The following MACROD2 variants were observed in gnomAD, a reference collection of about 807,000 sequenced individuals.
The protein encoded by MACROD2 is mono-ADP ribosylhydrolase 2, also known as ADP-ribose glycohydrolase MACROD2.
MACROD2 carries 36 observed loss-of-function variants against 70.4 expected under a neutral mutation model. The observed-to-expected ratio is 0.51, with a 90% CI of 0.39 to 0.68. The LOEUF is 0.68. Among genes scored for constraint, MACROD2 ranks in the 30% least tolerant of loss-of-function variants. MACROD2 has a pLI of 0.00. For synonymous variants in MACROD2, 172 were observed against 178.8 expected (o/e 0.96, Z 0.30); for missense variants, 496 against 538.4 (o/e 0.92, Z 0.78).
chr20:14,226,496 A>C (rs1042704863), intron 3 of MACROD2, among the ~76,000 whole-genome samples: 1 of 152,076 alleles, frequency 6.6e-6, no homozygotes, highest in Non-Finnish European at 1.5e-5. Flanking sequence ...CTCAGCTTGC[A>C]GGGAGATGTG....
At chr20:15,961,070 G>T (rs531358006) in intron 12 of MACROD2, among the ~76,000 whole-genome samples, 1 of 152,098 alleles carries the variant, frequency 6.6e-6, no homozygotes, top group Non-Finnish European at 1.5e-5. Flanking sequence ...AAATAGAAAC[G>T]ATTGTAAAAT....
intron 5 of MACROD2, among the ~76,000 whole-genome samples, chr20:14,692,387 A>G (rs971179553): frequency 2.0e-5 from 3 of 152,006 alleles, no homozygotes; most frequent in Admixed American, 6.5e-5. Flanking sequence ...CCTTTATAGC[A>G]TTTTCCACTA....
At chr20:15,456,909 GCTTTATAGTTTTAT>G (rs940614018) in intron 7 of MACROD2, among the ~76,000 whole-genome samples, 1 of 151,946 alleles carries the variant, frequency 6.6e-6, no homozygotes, top group African/African-American at 2.4e-5. Flanking sequence ...CCCTTCATGG[GCTTTATAGTTTTAT>G]CTGCAGGCCT....
chr20:15,833,741 T>G (rs1263854487), intron 8 of MACROD2, among the ~76,000 whole-genome samples: 1 of 152,222 alleles, frequency 6.6e-6, no homozygotes, highest in Non-Finnish European at 1.5e-5. Flanking sequence ...TCTTCATCAG[T>G]GGAGATCCCC....
intron 5 of MACROD2, among the ~76,000 whole-genome samples, chr20:14,847,816 C>A (rs6034048): frequency 1.3e-5 from 2 of 152,086 alleles, no homozygotes; most frequent in Non-Finnish European, 2.9e-5. Context: ...TGTTTGCCAC[C>A]TCAGAGCCCT....
At chr20:15,499,099 A>G (rs963223421) in intron 7 of MACROD2, among the ~76,000 whole-genome samples, 18 of 152,204 alleles carry the variant, frequency 1.2e-4, no homozygotes, top group Admixed American at 5.2e-4. Flanking sequence ...TAGATCAGCT[A>G]TGGTGACATT....
intron 2 of MACROD2, among the ~76,000 whole-genome samples, chr20:14,084,635 C>T (rs2054052892): frequency 6.6e-6 from 1 of 151,974 alleles, no homozygotes; most frequent in South Asian, 2.1e-4. Flanking sequence ...TTTAAAATAT[C>T]AGATTTCAGA....
At chr20:15,295,656 T>C (rs1011456792) in intron 6 of MACROD2, among the ~76,000 whole-genome samples, 11 of 148,354 alleles carry the variant, frequency 7.4e-5, no homozygotes, top group Non-Finnish European at 1.2e-4. Flanking sequence ...CTTAAGTGTG[T>C]CTTATACATC....
At chr20:15,501,532 T>G (rs1367155099) in intron 8 of MACROD2, among the ~76,000 whole-genome samples, 1 of 152,238 alleles carries the variant, frequency 6.6e-6, no homozygotes, top group African/African-American at 2.4e-5. Flanking sequence ...TCTAATCTAG[T>G]GTTTTCTACT....
At chr20:15,696,777 T>G (rs528769929) in intron 8 of MACROD2, among the ~76,000 whole-genome samples, 12 of 151,264 alleles carry the variant, frequency 7.9e-5, no homozygotes, top group Admixed American at 2.0e-4. Context: ...TGATTTAAGC[T>G]AGGAGGGTTG....
At chr20:15,208,097 G>A (rs1401035239) in intron 5 of MACROD2, among the ~76,000 whole-genome samples, 1 of 151,012 alleles carries the variant, frequency 6.6e-6, no homozygotes, top group Non-Finnish European at 1.5e-5. Context: ...TTTTTTTGAC[G>A]TTTGTTTAGC....
intron 5 of MACROD2, among the ~76,000 whole-genome samples, chr20:14,865,951 C>T (rs1051614022): frequency 1.3e-5 from 2 of 152,118 alleles, no homozygotes; most frequent in South Asian, 2.1e-4. Context: ...CCATAATTTT[C>T]TCTTTGAAAG....
intron 8 of MACROD2, among the ~76,000 whole-genome samples, chr20:15,795,634 C>G (rs985635940): frequency 1.3e-5 from 2 of 152,174 alleles, no homozygotes; most frequent in African/African-American, 4.8e-5. Context: ...ATTGTTTAAT[C>G]TGTAGTCCCG....
At chr20:14,522,271 G>T (rs1177688624) in intron 4 of MACROD2, among the ~76,000 whole-genome samples, 2 of 152,132 alleles carry the variant, frequency 1.3e-5, no homozygotes, top group Admixed American at 1.3e-4. Context: ...AGGTTGGGTA[G>T]TGTAGTCAAC....
At chr20:14,529,102 G>A (rs2085272245) in intron 4 of MACROD2, among the ~76,000 whole-genome samples, 1 of 152,102 alleles carries the variant, frequency 6.6e-6, no homozygotes, top group Non-Finnish European at 1.5e-5. Context: ...AGGGCACTAG[G>A]GGAGCTATTA....
chr20:15,309,235 A>G (rs748817897), intron 6 of MACROD2, among the ~76,000 whole-genome samples: 8 of 152,234 alleles, frequency 5.3e-5, no homozygotes, highest in Non-Finnish European at 7.3e-5. Context: ...TGTGAAATCA[A>G]AAGCAATGCA....
At chr20:15,084,629 A>G (rs530319615) in intron 5 of MACROD2, among the ~76,000 whole-genome samples, 1 of 152,302 alleles carries the variant, frequency 6.6e-6, no homozygotes, top group South Asian at 2.1e-4. Flanking sequence ...ATTAGAGGTT[A>G]CTATGATTTT....
rs562180027 is a variant in MACROD2, at chr20:14,649,888, G to C, written c.302-34955G>C. ...CAGGCTGGGTGGGGCTGAGCCTACA[G>C]GTTGAATATTCTCAGTTCTTGACTC... On this transcript the variant is annotated intron_variant, in intron 4 of 17. Coordinates refer to ENST00000684519, the MANE Select transcript of MACROD2 (RefSeq NM_001351661.2). Among the ~76,000 whole-genome samples, 9 of 152,206 alleles carry C rather than the reference G, an allele frequency of 5.9e-5. No homozygotes were observed. In the East Asian group the frequency reaches 1.7e-3, roughly 29 times the overall value.
chr20:15,441,614 TA>T (rs1013011935), intron 7 of MACROD2, among the ~76,000 whole-genome samples: 1 of 151,732 alleles, frequency 6.6e-6, no homozygotes, highest in Admixed American at 6.6e-5. Flanking sequence ...AATAAATAAT[TA>T]AAAAAGAAAA....
Sources: gnomAD v4.1 joint callset for allele counts (sites outside exome capture counted in the v4.1 genomes callset) on GRCh38, gnomAD v4.1.1 for gene constraint, MANE v1.5 for transcripts, NCBI Gene and HGNC (gene_info 2026-07-23, HGNC 2026-07-21) for gene names.